SNX29: variants seen among roughly 807,000 people sequenced by gnomAD.
SNX29 encodes sorting nexin 29.
Under a neutral mutation model 102.1 loss-of-function variants are expected in SNX29, and 78 were observed. The ratio of observed to expected loss-of-function variants is 0.76; its 90% CI spans 0.64 to 0.92. SNX29 has a LOEUF of 0.92. Ranked by LOEUF, SNX29 falls within the 40% of genes least tolerant of loss-of-function variation. The pLI is 0.00. For missense variants in SNX29, 1,280 were observed against 1,061.7 expected, an observed-to-expected ratio of 1.21 and a Z score of -2.86; for synonymous variants, 580 against 414.5, an observed-to-expected ratio of 1.40 and a Z score of -4.85.
At chr16:12,193,937 G>A (rs2076707369) in intron 13 of SNX29, among the ~76,000 whole-genome samples, 1 of 152,130 alleles carries the variant, frequency 6.6e-6, no homozygotes, top group African/African-American at 2.4e-5. Flanking sequence ...TTCCTGCTTT[G>A]TGCTGCTTTT....
chr16:12,153,430 T>C (rs1421432520), intron 13 of SNX29, among the ~76,000 whole-genome samples: 3 of 151,650 alleles, frequency 2.0e-5, no homozygotes, highest in Admixed American at 2.0e-4. Flanking sequence ...ATGTTTTTTC[T>C]TTCTCTCACG....
intron 14 of SNX29, among the ~76,000 whole-genome samples, chr16:12,264,227 G>A (rs898043293): frequency 2.0e-4 from 30 of 152,184 alleles, no homozygotes; most frequent in African/African-American, 4.8e-4. Flanking sequence ...GACGTGCATC[G>A]TTTTTTAGCT....
At chr16:12,175,830 G>T (rs2076248147) in intron 13 of SNX29, among the ~76,000 whole-genome samples, 2 of 151,834 alleles carry the variant, frequency 1.3e-5, no homozygotes, top group South Asian at 4.2e-4. Flanking sequence ...CACATAGGAA[G>T]ACCATGTTTC....
intron 15 of SNX29, among the ~76,000 whole-genome samples, chr16:12,286,231 T>A (rs1043262210): frequency 6.6e-6 from 1 of 151,278 alleles, no homozygotes; most frequent in African/African-American, 2.4e-5. Context: ...CAAAATGGAG[T>A]GTTTAAGTGT....
intron 3 of SNX29, among the ~76,000 whole-genome samples, chr16:12,012,160 A>T (rs1163465069): frequency 2.0e-5 from 3 of 152,188 alleles, no homozygotes. Context: ...ATTGTGGGCA[A>T]TTATGGTGAC....
chr16:12,252,211 T>G (rs909107697), intron 14 of SNX29, among the ~76,000 whole-genome samples: 2 of 152,160 alleles, frequency 1.3e-5, no homozygotes, highest in African/African-American at 2.4e-5. Context: ...GTCCACAAGC[T>G]ACATCCACAA....
At chr16:12,196,550 A>G (rs139333394) in intron 13 of SNX29, among the ~76,000 whole-genome samples, 8 of 152,124 alleles carry the variant, frequency 5.3e-5, no homozygotes, top group South Asian at 2.1e-4. Flanking sequence ...GGAAGGTGCA[A>G]ACATCTCAAA....
At chr16:12,360,785 A>G (rs769530006) in intron 16 of SNX29, among the ~76,000 whole-genome samples, 24 of 152,152 alleles carry the variant, frequency 1.6e-4, no homozygotes, top group Non-Finnish European at 3.2e-4. Context: ...CCTTAAGAGG[A>G]AGCATATTTA....
intron 19 of SNX29, among the ~76,000 whole-genome samples, chr16:12,498,280 G>T (rs9936453): frequency 5.9e-5 from 9 of 152,162 alleles, no homozygotes; most frequent in Non-Finnish European, 1.0e-4. Flanking sequence ...GCATGTGCAC[G>T]TTAGCAGGTG....
chr16:12,021,423 C>T (rs1470898961), intron 3 of SNX29, among the ~76,000 whole-genome samples: 1 of 120,794 alleles, frequency 8.3e-6, no homozygotes, highest in African/African-American at 2.8e-5. Context: ...GAGACTCTGA[C>T]TCAAAAAAAA....
chr16:12,204,853 C>T (rs747212344), intron 14 of SNX29, among the ~76,000 whole-genome samples: 12 of 152,020 alleles, frequency 7.9e-5, no homozygotes, highest in Non-Finnish European at 1.0e-4. Context: ...GTGAGTGCAG[C>T]GATTCCCGAT....
chr16:12,521,488 T>C (rs2090100172), intron 19 of SNX29, among the ~76,000 whole-genome samples: 1 of 152,122 alleles, frequency 6.6e-6, no homozygotes, highest in Non-Finnish European at 1.5e-5. Context: ...TTGGGCTCTG[T>C]AGCACCACCC....
chr16:11,977,488 C>T (rs2150953829), intron 1 of SNX29: 1 of 152,656 alleles, frequency 6.6e-6, no homozygotes, highest in South Asian at 2.1e-4. Context: ...CTTGCATATT[C>T]CATCCTTGTC....
chr16:12,542,776 A>G (rs1345022503), intron 20 of SNX29, among the ~76,000 whole-genome samples: 2 of 151,304 alleles, frequency 1.3e-5, no homozygotes, highest in African/African-American at 2.4e-5. Context: ...TTTTTTTTAA[A>G]CAAAGTATTA....
chr16:12,403,427 C>T (rs774574387), intron 17 of SNX29, 21 bp from the exon 18 acceptor site: 5 of 1,589,738 alleles, frequency 3.1e-6, no homozygotes, highest in East Asian at 4.5e-5. Context: ...ATGTTGGTCT[C>T]TCTCTCTTCC....
At chr16:12,538,152 G>A (rs375695784) in intron 20 of SNX29, among the ~76,000 whole-genome samples, 47 of 152,196 alleles carry the variant, frequency 3.1e-4, no homozygotes, top group African/African-American at 9.9e-4. Flanking sequence ...GTCTCACTCT[G>A]TCACCCAGAA....
At chr16:12,040,045 A>G (rs926193581) in intron 4 of SNX29, among the ~76,000 whole-genome samples, 1 of 152,198 alleles carries the variant, frequency 6.6e-6, no homozygotes, top group African/African-American at 2.4e-5. Flanking sequence ...TCACAAAATT[A>G]TGTATACACT....
intron 16 of SNX29, among the ~76,000 whole-genome samples, chr16:12,386,485 G>A (rs532963095): frequency 6.6e-4 from 100 of 152,220 alleles, no homozygotes; most frequent in Admixed American, 1.8e-3. Flanking sequence ...GGGTGGCTGC[G>A]TCTCCCTCCA....
At chr16:12,394,075 G>A (rs2083633626) in intron 16 of SNX29, among the ~76,000 whole-genome samples, 1 of 152,164 alleles carries the variant, frequency 6.6e-6, no homozygotes, top group Non-Finnish European at 1.5e-5. Context: ...GACTTCCTAG[G>A]GGCAAAGCCT....
Sources: allele counts gnomAD v4.1 joint callset (sites outside exome capture counted in the v4.1 genomes callset), GRCh38; gene constraint gnomAD v4.1.1; transcripts MANE v1.5; gene names NCBI Gene and HGNC (gene_info 2026-07-23, HGNC 2026-07-21).